AVEN: variants seen among roughly 807,000 people sequenced by gnomAD.
AVEN encodes the protein cell death regulator Aven.
In AVEN, 41 loss-of-function variants were observed where a neutral mutation model predicts 38.1. That is an observed-to-expected ratio of 1.08 (90% confidence interval 0.84 to 1.40). The LOEUF (loss-of-function observed/expected upper bound fraction) is 1.40. Ranked by LOEUF, AVEN falls within the 40% of genes most tolerant of loss-of-function variation. AVEN has a pLI of 0.00. For synonymous variants in AVEN, 206 were observed against 171.8 expected (o/e 1.20, Z -1.56); for missense variants, 605 against 438.8 (o/e 1.38, Z -3.38).
intron 1 of AVEN, among the ~76,000 whole-genome samples, chr15:34,072,607 A>AT (rs1900650773): frequency 6.7e-6 from 1 of 148,552 alleles, no homozygotes; most frequent in Admixed American, 6.8e-5. Flanking sequence ...TTCTGTATCA[A>AT]AAAAAAAAAT....
At chr15:33,881,204 C>A (rs1891472088) in intron 2 of AVEN, among the ~76,000 whole-genome samples, 1 of 149,362 alleles carries the variant, frequency 6.7e-6, no homozygotes, top group East Asian at 2.0e-4. Context: ...TCTCCCCCAT[C>A]TCAGCCTCCC....
chr15:34,041,235 C>T (rs531082366), upstream of AVEN, among the ~76,000 whole-genome samples: 5 of 152,186 alleles, frequency 3.3e-5, no homozygotes, highest in African/African-American at 7.2e-5. Context: ...CATCTCCAGA[C>T]ATTGCCAAAT....
intron 2 of AVEN, among the ~76,000 whole-genome samples, chr15:33,961,815 A>C (rs1895199593): frequency 1.3e-4 from 1 of 7,576 alleles, no homozygotes; most frequent in Non-Finnish European, 4.6e-4. Flanking sequence ...TCTGTCTCAA[A>C]AAAAAAAAAA....
At chr15:33,978,995 T>G (rs992409133) in intron 2 of AVEN, among the ~76,000 whole-genome samples, 2 of 152,130 alleles carry the variant, frequency 1.3e-5, no homozygotes, top group Non-Finnish European at 2.9e-5. Flanking sequence ...AAATGGGACC[T>G]ACTGGCTCAT....
downstream of AVEN, chr15:33,858,109 A>G: frequency 1.4e-6 from 1 of 738,414 alleles, no homozygotes; most frequent in Non-Finnish European, 2.1e-6. Flanking sequence ...GAAGTGATGG[A>G]GGTAGTTTTC....
intron 1 of AVEN, among the ~76,000 whole-genome samples, chr15:34,006,779 T>C (rs1041316968): frequency 6.6e-6 from 1 of 151,664 alleles, no homozygotes; most frequent in African/African-American, 2.4e-5. Context: ...CACAAGAGAG[T>C]AGTAAGAAGT....
intron 2 of AVEN, among the ~76,000 whole-genome samples, chr15:33,914,903 G>A (rs968828180): frequency 1.3e-5 from 2 of 152,072 alleles, no homozygotes; most frequent in African/African-American, 4.8e-5. Flanking sequence ...CTCACACCTA[G>A]AACCTGTATC....
At chr15:33,949,629 G>C (rs186282928) in intron 2 of AVEN, among the ~76,000 whole-genome samples, 186 of 152,194 alleles carry the variant, frequency 1.2e-3, no homozygotes, top group Non-Finnish European at 1.3e-3. Flanking sequence ...CTGGGTGATG[G>C]AAACATTGTA....
chr15:33,912,651 G>A (rs958613748), intron 2 of AVEN, among the ~76,000 whole-genome samples: 13 of 152,130 alleles, frequency 8.5e-5, no homozygotes, highest in Non-Finnish European at 1.5e-4. Flanking sequence ...AGCTCTGTAT[G>A]TTCTCTTTTT....
intron 2 of AVEN, among the ~76,000 whole-genome samples, chr15:33,907,788 TAAAA>T (rs796352918): frequency 1.9e-5 from 2 of 107,770 alleles, no homozygotes; most frequent in African/African-American, 6.9e-5. Context: ...TTCCCAGCAC[TAAAA>T]AAAAAAAAAA....
chr15:33,919,514 G>C (rs1360951658), intron 2 of AVEN, among the ~76,000 whole-genome samples: 1 of 152,102 alleles, frequency 6.6e-6, no homozygotes, highest in Non-Finnish European at 1.5e-5. Context: ...ATCTACAAGG[G>C]TGAAGTCAAT....
chr15:33,983,524 T>C (rs1281937318), intron 2 of AVEN, among the ~76,000 whole-genome samples: 2 of 152,110 alleles, frequency 1.3e-5, no homozygotes, highest in Non-Finnish European at 2.9e-5. Context: ...ACTTGACCTC[T>C]TGTCCAAGGC....
At chr15:34,043,598 T>C (rs1899569264), upstream of AVEN, among the ~76,000 whole-genome samples, 1 of 152,180 alleles carries the variant, frequency 6.6e-6, no homozygotes, top group African/African-American at 2.4e-5. Flanking sequence ...ATCCACAGCC[T>C]GTACTCTGGT....
At chr15:33,974,186 T>C (rs1455929746) in intron 2 of AVEN, among the ~76,000 whole-genome samples, 1 of 152,206 alleles carries the variant, frequency 6.6e-6, no homozygotes, top group Non-Finnish European at 1.5e-5. Context: ...AAATTGGTCT[T>C]GCTATTAAAA....
intron 2 of AVEN, among the ~76,000 whole-genome samples, chr15:33,942,323 T>C (rs1220526854): frequency 1.3e-5 from 2 of 152,230 alleles, no homozygotes; most frequent in Admixed American, 1.3e-4. Flanking sequence ...TCAAAATGTA[T>C]CACTTTCAGA....
At chr15:33,862,142 A>G (rs1490411887), downstream of AVEN, among the ~76,000 whole-genome samples, 2 of 152,066 alleles carry the variant, frequency 1.3e-5, no homozygotes, top group Non-Finnish European at 2.9e-5. Flanking sequence ...TACAAGAAAA[A>G]AAATAAAATG....
At chr15:33,961,558 A>G (rs1211198663) in intron 2 of AVEN, among the ~76,000 whole-genome samples, 1 of 152,020 alleles carries the variant, frequency 6.6e-6, no homozygotes, top group Non-Finnish European at 1.5e-5. Flanking sequence ...TCATGCCTGT[A>G]ATCCCAGCAC....
chr15:33,969,100 C>G (rs1895518330), intron 2 of AVEN: 1 of 152,080 alleles, frequency 6.6e-6, no homozygotes, highest in African/African-American at 2.4e-5. Flanking sequence ...TCGAAGCTTA[C>G]TATTTCCAGC....
At chr15:33,938,275 G>A (rs1181312795) in intron 2 of AVEN, among the ~76,000 whole-genome samples, 1 of 152,046 alleles carries the variant, frequency 6.6e-6, no homozygotes, top group Non-Finnish European at 1.5e-5. Flanking sequence ...CTAACACGGT[G>A]AAACCCCGTC....
Sources: allele counts gnomAD v4.1 joint callset (sites outside exome capture counted in the v4.1 genomes callset), GRCh38; gene constraint gnomAD v4.1.1; transcripts MANE v1.5; gene names NCBI Gene and HGNC (gene_info 2026-07-23, HGNC 2026-07-21).